The following UNC13B variants were observed in gnomAD, a reference collection of about 807,000 sequenced individuals.
The protein encoded by UNC13B is protein unc-13 homolog B.
UNC13B carries 144 observed loss-of-function variants against 211.0 expected under a neutral mutation model. The observed-to-expected ratio is 0.68, with a 90% CI of 0.60 to 0.78. The LOEUF (loss-of-function observed/expected upper bound fraction) is 0.78. UNC13B is among the 30% of genes least tolerant of loss of function. The probability of loss-of-function intolerance (pLI) is 0.00; values close to 1 mark genes in which losing one functional copy is unlikely to be tolerated. For missense variants in UNC13B, 1,777 were observed against 2,002.0 expected, an observed-to-expected ratio of 0.89 and a Z score of 2.14; for synonymous variants, 709 against 725.8, an observed-to-expected ratio of 0.98 and a Z score of 0.37.
rs907029850 is a variant in UNC13B at position 35,325,344 on chromosome 9, GA to G, written c.9414+11363del. Among the ~76,000 whole-genome samples, 8 of 152,068 alleles carry G rather than the reference GA, an allele frequency of 5.3e-5. No individual in the cohort carries two copies. The South Asian group carries it at 1.5e-3, about 28-fold the overall frequency. On this transcript the variant is annotated intron_variant, in intron 11 of 39. Coordinates refer to ENST00000635942, the MANE Select transcript of UNC13B (RefSeq NM_001371189.2). ...CTCGCCTATTCTCACTTTTGGTTGAGAAAAAAAATTTTTTTTATTTCCAAAT... is the reference window on the plus strand; with the variant it reads ...CTCGCCTATTCTCACTTTTGGTTGAGAAAAAAATTTTTTTTATTTCCAAAT...
chr9:35,198,228 C>T (rs1349757677), intron 1 of UNC13B, among the ~76,000 whole-genome samples: 1 of 152,200 alleles, frequency 6.6e-6, no homozygotes, highest in East Asian at 1.9e-4. Flanking sequence ...GCGGAGTTCT[C>T]ATGAATAGGT....
chr9:35,239,586 G>T (rs183768582), intron 5 of UNC13B, among the ~76,000 whole-genome samples: 1 of 152,122 alleles, frequency 6.6e-6, no homozygotes, highest in African/African-American at 2.4e-5. Flanking sequence ...CAGACAACTG[G>T]TCTGACCAAA....
chr9:35,376,037 G>A lies in UNC13B; in HGVS notation c.9625G>A (p.Val3209Met), dbSNP rs746210192. The change falls in exon 15 of 40, where the codon GTG becomes ATG. Residue 3209 changes from valine (V) to methionine (M), a missense_variant. Physicochemically the swap from Val to Met is conservative, Grantham distance 21. Coordinates refer to ENST00000635942, the MANE Select transcript of UNC13B (RefSeq NM_001371189.2). The part of the protein sequence containing the change: ...SLKDEELKSH[V>M]YKKTLQALIY... ...GGTATGTGTCTTTCAGAAATCCCAC[G>A]TGTATAAGAAAACCCTGCAGGCCTT... The A allele has an allele frequency of 7.4e-6, 12 of 1,614,016 alleles. No homozygotes were observed. Among genetic ancestry groups the A allele is most frequent in the East Asian group, 4.5e-5 (2 of 44,886 alleles).
chr9:35,206,518 T>C (rs1449209544), intron 1 of UNC13B, among the ~76,000 whole-genome samples: 1 of 152,190 alleles, frequency 6.6e-6, no homozygotes, highest in African/African-American at 2.4e-5. Flanking sequence ...CATAATTTTT[T>C]AGGGTTCATC....
At chr9:35,393,023 G>A (rs1835637223) in intron 26 of UNC13B, among the ~76,000 whole-genome samples, 1 of 152,066 alleles carries the variant, frequency 6.6e-6, no homozygotes, top group Non-Finnish European at 1.5e-5. Flanking sequence ...TTGCCACTTT[G>A]CAGTAAATCC....
chr9:35,268,433 C>T (rs566422798), intron 7 of UNC13B, among the ~76,000 whole-genome samples: 1 of 152,306 alleles, frequency 6.6e-6, no homozygotes, highest in South Asian at 2.1e-4. Flanking sequence ...TCCTGGCTAA[C>T]ACAGTGAAAC....
chr9:35,259,796 C>CG (rs563086434), intron 7 of UNC13B, among the ~76,000 whole-genome samples: 1,789 of 14,016 alleles, frequency 0.13, 105 homozygotes, highest in African/African-American at 0.26. Context: ...TAGGGGGATG[C>CG]GGGGGGGGGG....
intron 1 of UNC13B, among the ~76,000 whole-genome samples, chr9:35,183,598 G>A (rs1301883124): frequency 2.8e-5 from 4 of 145,306 alleles, no homozygotes; most frequent in South Asian, 2.2e-4. Flanking sequence ...GGGCAGAGGC[G>A]CTCCTCACCT....
At chr9:35,169,821 C>T (rs1347739666) in intron 1 of UNC13B, among the ~76,000 whole-genome samples, 1 of 152,162 alleles carries the variant, frequency 6.6e-6, no homozygotes, top group Admixed American at 6.6e-5. Flanking sequence ...GAAAGTTGGG[C>T]TCTTTAGGCC....
chr9:35,165,074 G>T (rs1820962849), intron 1 of UNC13B, among the ~76,000 whole-genome samples: 1 of 152,218 alleles, frequency 6.6e-6, no homozygotes, highest in African/African-American at 2.4e-5. Flanking sequence ...AATGAAACAT[G>T]TAGGAACCGA....
chr9:35,169,626 G>T (rs188643727), intron 1 of UNC13B, among the ~76,000 whole-genome samples: 1 of 152,112 alleles, frequency 6.6e-6, no homozygotes, highest in South Asian at 2.1e-4. Context: ...AGTAGTCCCT[G>T]CCCTTAGAGC....
intron 11 of UNC13B, chr9:35,352,451 C>A: frequency 8.1e-7 from 1 of 1,232,132 alleles, no homozygotes; most frequent in African/African-American, 1.5e-5. Flanking sequence ...AAGCTGCCCA[C>A]AGGGTAATAA....
At chr9:35,346,778 G>GA (rs1179209509) in intron 11 of UNC13B, among the ~76,000 whole-genome samples, 1 of 152,104 alleles carries the variant, frequency 6.6e-6, no homozygotes, top group African/African-American at 2.4e-5. Context: ...TATCTTAAAG[G>GA]AAACTCCAAG....
At chr9:35,220,744 T>A (rs1659755507) in intron 1 of UNC13B, among the ~76,000 whole-genome samples, 1 of 152,174 alleles carries the variant, frequency 6.6e-6, no homozygotes, top group Non-Finnish European at 1.5e-5. Flanking sequence ...GAGTGCAGAT[T>A]TACTGATTTC....
rs1237822029 is a variant in UNC13B, at chr9:35,303,631, A to G, written c.4227A>G (p.Ala1409=). The part of the protein sequence containing the change: ...VINFCQKDQN[A]NILEWRTNPN... The stretch of plus-strand genomic sequence containing the variant: ...ATTTTTGCCAAAAAGATCAAAATGC[A>G]AACATCTTGGAGTGGAGAACAAATC... The change falls in exon 9 of 40, where the codon GCA becomes GCG. Residue 1409 remains alanine, a synonymous_variant. Coordinates refer to ENST00000635942, the MANE Select transcript of UNC13B (RefSeq NM_001371189.2). 8 of 398,658 alleles carry G rather than the reference A, an allele frequency of 2.0e-5. No homozygotes were observed. The highest frequency in any genetic ancestry group is 3.5e-5 in the Non-Finnish European group (8 of 225,856). The allele number at this position is 398,658 out of a possible 1,614,324, so 24.7% of individuals were successfully genotyped here.
At position 35,162,241 on chromosome 9, in the gene UNC13B, C is replaced by CGGCGCGGCTGG; in HGVS notation, c.-34_-24dup. 1.9e-6 allele frequency: 3 copies of CGGCGCGGCTGG among 1,542,238 alleles called. No individual in the cohort carries two copies. Among genetic ancestry groups the CGGCGCGGCTGG allele is most frequent in the Non-Finnish European group, 2.6e-6 (3 of 1,146,746 alleles). On this transcript the variant is annotated 5_prime_UTR_variant, in exon 1 of 40. Coordinates refer to ENST00000635942, the MANE Select transcript of UNC13B (RefSeq NM_001371189.2). ...TGCTGAGAGGAAAGAGGGAGCGGTC[C>CGGCGCGGCTGG]GGCGCGGCTGGGGCGCGGCAGAGGC...
intron 11 of UNC13B, chr9:35,341,895 C>T: frequency 1.0e-6 from 1 of 984,052 alleles, no homozygotes; most frequent in Non-Finnish European, 1.2e-6. Flanking sequence ...CTTTCTGCCT[C>T]AGTCTCAAAG....
intron 1 of UNC13B, among the ~76,000 whole-genome samples, chr9:35,194,967 C>T (rs1214010230): frequency 2.0e-5 from 3 of 152,096 alleles, no homozygotes; most frequent in South Asian, 2.1e-4. Context: ...GCGGATGTGC[C>T]GGATTTTATA....
chr9:35,367,608 C>T (rs541350025), intron 12 of UNC13B, among the ~76,000 whole-genome samples: 5 of 150,856 alleles, frequency 3.3e-5, no homozygotes, highest in African/African-American at 1.2e-4. Flanking sequence ...TCATTCTATC[C>T]ATTCCATTGT....
Sources: allele counts gnomAD v4.1 joint callset (sites outside exome capture counted in the v4.1 genomes callset), GRCh38; gene constraint gnomAD v4.1.1; transcripts MANE v1.5; gene names NCBI Gene and HGNC (gene_info 2026-07-23, HGNC 2026-07-21).